Variants in ZEB1 observed in about 807,000 individuals in gnomAD.
ZEB1 encodes the protein zinc finger E-box binding homeobox 1.
A neutral mutation model predicts 84.9 loss-of-function variants in ZEB1; 21 were observed. The observed-to-expected ratio is 0.25, with a 90% CI of 0.18 to 0.36. The LOEUF (loss-of-function observed/expected upper bound fraction) is 0.36. Among genes scored for constraint, ZEB1 ranks in the 10% least tolerant of loss-of-function variants. The pLI is 1.00. For synonymous variants in ZEB1, 420 were observed against 471.1 expected (o/e 0.89, Z 1.41); for missense variants, 1,104 against 1,330.2 (o/e 0.83, Z 2.65).
At chr10:31,432,901 G>A (rs2057888693) in intron 1 of ZEB1, among the ~76,000 whole-genome samples, 1 of 152,110 alleles carries the variant, frequency 6.6e-6, no homozygotes, top group Admixed American at 6.5e-5. Flanking sequence ...TGGGTTAATA[G>A]AAGGCAGTTG....
chr10:31,524,106 A>G lies in ZEB1; in HGVS notation c.2778A>G (p.Glu926=). The change falls in exon 8 of 9, where the codon GAA becomes GAG. Residue 926 remains glutamate, a synonymous_variant. Coordinates refer to ENST00000424869, the MANE Select transcript of ZEB1 (RefSeq NM_001174096.2). ...GTTCATTATTGAGACATAAATATGA[A>G]CACACAGGTATGTCAGTGAACACAA... The part of the protein sequence containing the change: ...KSSSLLRHKY[E]HTGKRPHECG... 6.2e-7 allele frequency: 1 copy of G among 1,613,812 alleles called. No homozygotes were observed. Among genetic ancestry groups the G allele is most frequent in the South Asian group, 1.1e-5 (1 of 91,050 alleles).
intron 1 of ZEB1, among the ~76,000 whole-genome samples, chr10:31,344,710 G>A (rs2039993838): frequency 6.6e-6 from 1 of 152,096 alleles, no homozygotes; most frequent in Non-Finnish European, 1.5e-5. Flanking sequence ...TCTATTCAGT[G>A]CCTTGAGTGA....
chr10:31,354,265 T>G (rs901047518), intron 1 of ZEB1, among the ~76,000 whole-genome samples: 3 of 152,154 alleles, frequency 2.0e-5, no homozygotes, highest in African/African-American at 7.2e-5. Flanking sequence ...CTTTTAAGTT[T>G]TATATAAAGC....
chr10:31,453,759 T>C (rs559351931), intron 1 of ZEB1, among the ~76,000 whole-genome samples: 1 of 152,112 alleles, frequency 6.6e-6, no homozygotes, highest in Non-Finnish European at 1.5e-5. Flanking sequence ...ATTGAGGCAG[T>C]AATTAATAGC....
At chr10:31,501,895 G>C (rs575583113) in intron 3 of ZEB1, among the ~76,000 whole-genome samples, 5 of 152,222 alleles carry the variant, frequency 3.3e-5, no homozygotes, top group African/African-American at 1.2e-4. Context: ...GTTGACCACA[G>C]GTAACTGAAA....
At chr10:31,410,081 T>C (rs2053948238) in intron 1 of ZEB1, among the ~76,000 whole-genome samples, 1 of 152,202 alleles carries the variant, frequency 6.6e-6, no homozygotes, top group Admixed American at 6.5e-5. Flanking sequence ...ATCCTTGTCT[T>C]GTGCCGGTTT....
intron 7 of ZEB1, among the ~76,000 whole-genome samples, chr10:31,522,350 C>A (rs2072590955): frequency 1.3e-5 from 2 of 152,302 alleles, no homozygotes; most frequent in Non-Finnish European, 2.9e-5. Flanking sequence ...TCATACCAGG[C>A]AAACTTATCT....
intron 2 of ZEB1, among the ~76,000 whole-genome samples, chr10:31,468,074 A>G (rs2062667583): frequency 6.6e-6 from 1 of 151,968 alleles, no homozygotes; most frequent in African/African-American, 2.4e-5. Context: ...GTGGCACAGA[A>G]GAGGTGCCTG....
chr10:31,346,554 G>T (rs968587609), intron 1 of ZEB1, among the ~76,000 whole-genome samples: 20 of 151,410 alleles, frequency 1.3e-4, no homozygotes, highest in Non-Finnish European at 2.8e-4. Flanking sequence ...TGAAACTTTT[G>T]CACGTAGAGT....
At chr10:31,384,348 A>T (rs1373189424) in intron 1 of ZEB1, among the ~76,000 whole-genome samples, 1 of 152,002 alleles carries the variant, frequency 6.6e-6, no homozygotes, top group Non-Finnish European at 1.5e-5. Context: ...CTAAATGCTT[A>T]CTCTCAATTT....
intron 2 of ZEB1, among the ~76,000 whole-genome samples, chr10:31,476,971 G>A (rs1056458242): frequency 6.6e-6 from 1 of 151,938 alleles, no homozygotes; most frequent in South Asian, 2.1e-4. Flanking sequence ...ATGGGGAAAC[G>A]TTGAAAGCAT....
At chr10:31,445,468 G>T (rs2059636168) in intron 1 of ZEB1, among the ~76,000 whole-genome samples, 1 of 148,244 alleles carries the variant, frequency 6.7e-6, no homozygotes, top group Non-Finnish European at 1.5e-5. Flanking sequence ...TAGGAGCGGT[G>T]AGAGAGGGCA....
At chr10:31,517,591 C>T (rs2071403104) in intron 6 of ZEB1, among the ~76,000 whole-genome samples, 5 of 151,336 alleles carry the variant, frequency 3.3e-5, no homozygotes. Flanking sequence ...ACTTGTAAAC[C>T]CTAACCTCCA....
At chr10:31,342,869 C>T (rs1428100453) in intron 1 of ZEB1, among the ~76,000 whole-genome samples, 1 of 152,060 alleles carries the variant, frequency 6.6e-6, no homozygotes, top group African/African-American at 2.4e-5. Flanking sequence ...CCTGACATGC[C>T]AGCTCTACTT....
intron 1 of ZEB1, among the ~76,000 whole-genome samples, chr10:31,335,346 AT>A (rs1432913033): frequency 2.6e-5 from 4 of 152,072 alleles, no homozygotes; most frequent in Non-Finnish European, 2.9e-5. Context: ...CATGCTATCC[AT>A]GGTTTCAGGC....
At chr10:31,385,484 A>T (rs1053244964) in intron 1 of ZEB1, among the ~76,000 whole-genome samples, 1 of 149,384 alleles carries the variant, frequency 6.7e-6, no homozygotes, top group African/African-American at 2.5e-5. Flanking sequence ...TGATTTCAGC[A>T]TTTCTTCATT....
intron 1 of ZEB1, among the ~76,000 whole-genome samples, chr10:31,438,971 G>T (rs1237094857): frequency 6.6e-6 from 1 of 152,168 alleles, no homozygotes; most frequent in Non-Finnish European, 1.5e-5. Context: ...GCAACATTAT[G>T]CTGAAAATTA....
intron 4 of ZEB1, among the ~76,000 whole-genome samples, chr10:31,505,400 A>T (rs2068806207): frequency 6.6e-6 from 1 of 152,038 alleles, no homozygotes; most frequent in African/African-American, 2.4e-5. Context: ...AGAATTCAGC[A>T]GTGAACCCTT....
chr10:31,429,259 G>A (rs1326363259), intron 1 of ZEB1, among the ~76,000 whole-genome samples: 1 of 152,086 alleles, frequency 6.6e-6, no homozygotes, highest in African/African-American at 2.4e-5. Flanking sequence ...GGCAGATGTG[G>A]TGGTAACAAA....
Sources: allele counts gnomAD v4.1 joint callset (sites outside exome capture counted in the v4.1 genomes callset), GRCh38; gene constraint gnomAD v4.1.1; transcripts MANE v1.5; gene names NCBI Gene and HGNC (gene_info 2026-07-23, HGNC 2026-07-21).